The following KIDINS220 variants were observed in gnomAD, a reference collection of about 807,000 sequenced individuals.
KIDINS220 encodes the protein kinase D-interacting substrate of 220 kDa.
Under a neutral mutation model 157.6 loss-of-function variants are expected in KIDINS220, and 63 were observed. That is an observed-to-expected ratio of 0.40 (90% CI 0.33 to 0.49). The LOEUF is 0.49. KIDINS220 is among the 20% of genes least tolerant of loss of function. KIDINS220 has a pLI of 0.66. For missense variants in KIDINS220, 1,772 were observed against 2,171.2 expected, an observed-to-expected ratio of 0.82 and a Z score of 3.65; for synonymous variants, 732 against 783.6, an observed-to-expected ratio of 0.93 and a Z score of 1.10.
At chr2:8,815,562 G>A (rs568589780) in intron 4 of KIDINS220, among the ~76,000 whole-genome samples, 13 of 152,160 alleles carry the variant, frequency 8.5e-5, no homozygotes, top group African/African-American at 2.4e-4. Flanking sequence ...CCAGCTCCTC[G>A]GGAGGCTGAG....
chr2:8,822,188 C>T (rs971081354), intron 2 of KIDINS220, among the ~76,000 whole-genome samples: 2 of 152,102 alleles, frequency 1.3e-5, no homozygotes, highest in East Asian at 1.9e-4. Context: ...TTCTAGGTTC[C>T]CATTTCTACT....
chr2:8,744,362 G>T (rs1666060487), intron 26 of KIDINS220, among the ~76,000 whole-genome samples: 1 of 6,448 alleles, frequency 1.6e-4, no homozygotes, highest in Non-Finnish European at 2.4e-4. Flanking sequence ...GTTCCTCATG[G>T]CAAAAAAAAA....
intron 21 of KIDINS220, among the ~76,000 whole-genome samples, chr2:8,771,860 A>G (rs1005471018): frequency 6.6e-6 from 1 of 152,136 alleles, no homozygotes; most frequent in East Asian, 1.9e-4. Flanking sequence ...TGATGGAGAC[A>G]TGGCTATGCT....
chr2:8,769,854 A>G (rs1395355429), intron 22 of KIDINS220, among the ~76,000 whole-genome samples: 2 of 152,328 alleles, frequency 1.3e-5, no homozygotes, highest in East Asian at 3.9e-4. Flanking sequence ...ACATCACTGC[A>G]TCTACTGGAA....
At chr2:8,806,208 A>G in intron 7 of KIDINS220, 63 bp downstream of exon 7, 5 of 1,198,324 alleles carry the variant, frequency 4.2e-6, no homozygotes, top group Non-Finnish European at 4.8e-6. Context: ...AAAGAAATAA[A>G]TTCTCTCTCT....
chr2:8,837,061 C>T (rs1232842244), intron 1 of KIDINS220, among the ~76,000 whole-genome samples: 2 of 152,170 alleles, frequency 1.3e-5, no homozygotes, highest in East Asian at 1.9e-4. Flanking sequence ...CAACACCTCC[C>T]GGCCCGTGGA....
chr2:8,777,945 A>G, intron 20 of KIDINS220, among the ~76,000 whole-genome samples: 1 of 152,212 alleles, frequency 6.6e-6, no homozygotes. Context: ...CACTGAAGAC[A>G]TTTTTTTAAA....
chr2:8,800,387 T>C lies in KIDINS220; in HGVS notation c.900+13A>G, dbSNP rs1023134928. The C allele has an allele frequency of 6.4e-7, 1 of 1,559,762 alleles. No individual in the cohort carries two copies. The highest frequency in any genetic ancestry group is 8.8e-7 in the Non-Finnish European group (1 of 1,138,164). ...ATACTCTAAGATAGCAACTGCACTG[T>C]AATCACACATACCTGTCCTCTAATG... On this transcript the variant is annotated intron_variant, in intron 9 of 29. Transcript: ENST00000256707.
intron 22 of KIDINS220, among the ~76,000 whole-genome samples, chr2:8,766,463 A>C (rs913960158): frequency 6.6e-6 from 1 of 152,034 alleles, no homozygotes; most frequent in Non-Finnish European, 1.5e-5. Context: ...TCTTTCCACC[A>C]CACTTGCTGC....
intron 26 of KIDINS220, among the ~76,000 whole-genome samples, chr2:8,744,172 TTTATA>T (rs1461843214): frequency 2.1e-5 from 3 of 144,782 alleles, no homozygotes; most frequent in African/African-American, 5.0e-5. Context: ...ATATATATTA[TTTATA>T]TTATATATTA....
At chr2:8,772,703 A>C (rs1195598047) in intron 21 of KIDINS220, among the ~76,000 whole-genome samples, 1 of 152,238 alleles carries the variant, frequency 6.6e-6, no homozygotes, top group African/African-American at 2.4e-5. Context: ...AATTTGAAAT[A>C]AAGTACATTT....
rs747065911 is a variant in KIDINS220 at position 8,796,803 on chromosome 2, C to T, written c.1066G>A (p.Asp356Asn). ...RNIEVVELLL[D>N]KGAKVSAVDK... The stretch of plus-strand genomic sequence containing the variant: ...ACAGCAGACACTTTAGCACCTTTAT[C>T]TAGCAGCAGCTCCACCACTTCAATG... The change falls in exon 11 of 30, where the codon GAT becomes AAT. Residue 356 changes from aspartate to asparagine, a missense_variant. Asp to Asn is a conservative substitution (Grantham distance 23). Around this residue, in one of 3 missense-constraint regions of KIDINS220, gnomAD observed 725 missense variants for 1,017.1 expected, o/e 0.71. Coordinates refer to ENST00000256707, the MANE Select transcript of KIDINS220 (RefSeq NM_020738.4). 1.2e-6 allele frequency: 2 copies of T among 1,614,200 alleles called. No homozygotes were observed. The highest frequency in any genetic ancestry group is 4.5e-5 in the East Asian group (2 of 44,888).
At chr2:8,744,391 ATATATATATAATATATAT>A (rs1666214651) in intron 26 of KIDINS220, among the ~76,000 whole-genome samples, 1 of 27,296 alleles carries the variant, frequency 3.7e-5, no homozygotes, top group African/African-American at 1.8e-4. Flanking sequence ...AAAAAAAAAT[ATATATATATAATATATAT>A]ATATATATAT....
Position 8,731,826 on chromosome 2 carries a change from T to A in KIDINS220, c.4210A>T (p.Thr1404Ser), listed in dbSNP as rs950517825. 2 of 1,614,066 alleles carry A rather than the reference T, an allele frequency of 1.2e-6. No homozygotes were observed. Among genetic ancestry groups the A allele is most frequent in the Non-Finnish European group, 1.7e-6 (2 of 1,180,034 alleles). The change falls in exon 30 of 30, where the codon ACA becomes TCA. Residue 1404 changes from threonine to serine, a missense_variant. Thr to Ser is a moderately conservative substitution (Grantham distance 58, BLOSUM62 1). This residue lies in a region of KIDINS220 where 793 missense variants were observed against 885.5 expected (regional missense o/e 0.90). Transcript: ENST00000256707. This position sits in a 1 kb window ranked among gnomAD's most constrained non-coding sequence, Gnocchi z 5.2. ...GGAGAAGATCTGCCACTAATGGTTG[T>A]AGACCCGGGGCCCCCTTCTAACTGG... ...MSQLEGGPGS[T>S]TISGRSSPHS... is the part of the protein sequence containing the mutation.
intron 9 of KIDINS220, 35 bp downstream of exon 9, chr2:8,800,365 C>T: frequency 7.4e-7 from 1 of 1,358,226 alleles, no homozygotes; most frequent in South Asian, 1.2e-5. Flanking sequence ...TGCAATTATA[C>T]TCTAAGATAG....
At chr2:8,749,786 T>C (rs528458032) in intron 24 of KIDINS220, among the ~76,000 whole-genome samples, 83 of 152,166 alleles carry the variant, frequency 5.5e-4, no homozygotes, top group African/African-American at 2.0e-3. Context: ...ATATAACAAA[T>C]AGAACATTTG....
At chr2:8,761,175 C>A (rs142300600) in intron 22 of KIDINS220, among the ~76,000 whole-genome samples, 2 of 152,230 alleles carry the variant, frequency 1.3e-5, no homozygotes, top group African/African-American at 4.8e-5. Flanking sequence ...GATGAATTGT[C>A]CATGCAATTG....
intron 26 of KIDINS220, among the ~76,000 whole-genome samples, chr2:8,740,480 A>G (rs1665475852): frequency 6.6e-6 from 1 of 152,242 alleles, no homozygotes; most frequent in Non-Finnish European, 1.5e-5. Flanking sequence ...ATTTAATAAG[A>G]AAATGAGGTA....
chr2:8,793,767 T>C (rs1673523708), intron 12 of KIDINS220, 43 bp downstream of exon 12: 1 of 1,512,784 alleles, frequency 6.6e-7, no homozygotes, highest in Non-Finnish European at 8.9e-7. Context: ...AATGGAACAT[T>C]GATTATTTAA....
Sources: gnomAD v4.1 joint callset for allele counts (sites outside exome capture counted in the v4.1 genomes callset) on GRCh38, gnomAD v4.1.1 for gene constraint, gnomAD v4.1.1 regional missense constraint, Gnocchi (gnomAD v3.1) non-coding constraint, MANE v1.5 for transcripts, NCBI Gene and HGNC (gene_info 2026-07-23, HGNC 2026-07-21) for gene names.